The following HEXB variants were observed in gnomAD, a reference collection of about 807,000 sequenced individuals.
HEXB encodes the protein beta-hexosaminidase subunit beta.
In HEXB, 51 loss-of-function variants were observed where a neutral mutation model predicts 71.2. The ratio of observed to expected loss-of-function variants is 0.72; its 90% CI spans 0.57 to 0.90. HEXB has a LOEUF of 0.90. Ranked by LOEUF, HEXB falls within the 40% of genes least tolerant of loss-of-function variation. The pLI is 0.00. For synonymous variants in HEXB, 266 were observed against 249.3 expected (o/e 1.07, Z -0.63); for missense variants, 617 against 677.0 (o/e 0.91, Z 0.98).
chr5:74,704,344 T>C (rs1313750789), intron 5 of HEXB, among the ~76,000 whole-genome samples: 1 of 152,206 alleles, frequency 6.6e-6, no homozygotes, highest in Non-Finnish European at 1.5e-5. Flanking sequence ...TTTGATGATC[T>C]TGTTGGACAA....
chr5:74,679,504 A>G (rs1427401332), intron 1 of HEXB, among the ~76,000 whole-genome samples: 3 of 152,172 alleles, frequency 2.0e-5, no homozygotes, highest in South Asian at 2.1e-4. Flanking sequence ...AAGATATGCT[A>G]AAGGGAGGAC....
intron 1 of HEXB, among the ~76,000 whole-genome samples, chr5:74,662,181 T>G (rs1261982312): frequency 6.6e-6 from 1 of 152,228 alleles, no homozygotes; most frequent in African/African-American, 2.4e-5. Context: ...TTTTCAGTCT[T>G]TGTGCTGTGC....
At position 74,721,194 on chromosome 5, in the gene HEXB, G is replaced by T. The variant is rs748707619; in HGVS notation, c.*19G>T. 1.1e-5 allele frequency: 17 copies of T among 1,589,914 alleles called. No homozygotes were observed. In the Admixed American group the frequency reaches 2.7e-4, roughly 25 times the overall value. On this transcript the variant is annotated 3_prime_UTR_variant, in exon 14 of 14. Transcript: ENST00000261416. ...CATGTAAAAAATGGAGGGGAAAAAG[G>T]CCACAGCAATCTGTACTACAATCAA... is the stretch of plus-strand genomic sequence containing the variant.
intron 5 of HEXB, among the ~76,000 whole-genome samples, chr5:74,702,141 G>T (rs1201189600): frequency 2.5e-5 from 3 of 120,164 alleles, no homozygotes; most frequent in African/African-American, 9.6e-5. Flanking sequence ...TGCAGTGGCG[G>T]GATCTCGGCT....
At chr5:74,695,214 T>G (rs1749086581) in intron 3 of HEXB, among the ~76,000 whole-genome samples, 1 of 146,980 alleles carries the variant, frequency 6.8e-6, no homozygotes, top group Admixed American at 6.7e-5. Flanking sequence ...TTTTTTTTTT[T>G]TTTTTTTGAG....
At chr5:74,646,947 A>C (rs1748012788) in intron 1 of HEXB, among the ~76,000 whole-genome samples, 1 of 152,236 alleles carries the variant, frequency 6.6e-6, no homozygotes, top group Non-Finnish European at 1.5e-5. Flanking sequence ...CACACGTTTT[A>C]AAAAGAAATA....
At chr5:74,664,442 A>AC (rs1235913785) in intron 1 of HEXB, among the ~76,000 whole-genome samples, 1 of 150,592 alleles carries the variant, frequency 6.6e-6, no homozygotes, top group East Asian at 1.9e-4. Context: ...AAAAAAAAAA[A>AC]AAAAAAAAAA....
intron 3 of HEXB, 133 bp from the exon 4 acceptor site, chr5:74,696,560 T>C (rs1749116571): frequency 3.4e-6 from 2 of 594,122 alleles, no homozygotes; most frequent in Non-Finnish European, 3.0e-6. Flanking sequence ...CAATATATTT[T>C]AGAGGATAGA....
At chr5:74,681,307 T>A (rs1334593173), upstream of HEXB, among the ~76,000 whole-genome samples, 1 of 152,158 alleles carries the variant, frequency 6.6e-6, no homozygotes, top group Admixed American at 6.5e-5. Context: ...GTGGTGCTAC[T>A]GACGACCAGT....
At chr5:74,704,441 A>G (rs1489751736) in intron 5 of HEXB, among the ~76,000 whole-genome samples, 20 of 152,146 alleles carry the variant, frequency 1.3e-4, no homozygotes, top group Admixed American at 1.3e-3. Flanking sequence ...TAGAGTATAT[A>G]TAAAATTAAT....
intron 5 of HEXB, among the ~76,000 whole-genome samples, chr5:74,700,362 T>C (rs1233864353): frequency 6.6e-6 from 1 of 152,102 alleles, no homozygotes; most frequent in African/African-American, 2.4e-5. Flanking sequence ...ACCTTCTTTA[T>C]TGGTTTAATG....
rs1384418129 is a variant in HEXB at position 74,720,535 on chromosome 5, ATAACATT to A, written c.1508+21_1508+27del. ...AAGATTATGGTATGGGATTTACCTG[ATAACATT>A]TAAGAATTAAGGTGCCTTAGCTTTC... On this transcript the variant is annotated intron_variant, in intron 12 of 13. Coordinates refer to ENST00000261416, the MANE Select transcript of HEXB (RefSeq NM_000521.4). The A allele has an allele frequency of 1.2e-6, 2 of 1,601,686 alleles. No individual in the cohort carries two copies. The highest frequency in any genetic ancestry group is 4.5e-5 in the East Asian group (2 of 44,812).
At chr5:74,665,121 C>A (rs1342999331) in intron 1 of HEXB, among the ~76,000 whole-genome samples, 1 of 152,050 alleles carries the variant, frequency 6.6e-6, no homozygotes, top group East Asian at 1.9e-4. Context: ...AAAATGTCCC[C>A]AAATAAGAAA....
chr5:74,674,163 G>T (rs969625135), intron 1 of HEXB, among the ~76,000 whole-genome samples: 1 of 152,168 alleles, frequency 6.6e-6, no homozygotes, highest in Non-Finnish European at 1.5e-5. Flanking sequence ...TTGGCTATAG[G>T]CCATGTTTCT....
At chr5:74,721,057 A>C (rs979593314) in intron 13 of HEXB, 61 bp from the exon 14 acceptor site, 2 of 1,291,494 alleles carry the variant, frequency 1.5e-6, no homozygotes, top group South Asian at 2.4e-5. Flanking sequence ...AATCTAAAAT[A>C]TCTTTATGAA....
At chr5:74,654,898 G>A (rs1053469181) in intron 1 of HEXB, among the ~76,000 whole-genome samples, 2 of 152,180 alleles carry the variant, frequency 1.3e-5, no homozygotes, top group Non-Finnish European at 2.9e-5. Flanking sequence ...AACTGCAGAT[G>A]ATGCCATTGA....
chr5:74,644,764 C>CTTTTTTTTTTTTTTTTTTTTTTT (rs3058406), intron 1 of HEXB, among the ~76,000 whole-genome samples: 1 of 72,936 alleles, frequency 1.4e-5, no homozygotes, highest in Non-Finnish European at 2.3e-5. Flanking sequence ...CTTTTTTTTC[C>CTTTTTTTTTTTTTTTTTTTTTTT]TTTTTTTTTT....
chr5:74,656,890 G>T (rs1425151723), intron 1 of HEXB, among the ~76,000 whole-genome samples: 1 of 152,196 alleles, frequency 6.6e-6, no homozygotes, highest in Non-Finnish European at 1.5e-5. Context: ...GGGATTACAG[G>T]TGTGAGCCAC....
chr5:74,692,193 T>G (rs1339180449), intron 2 of HEXB, among the ~76,000 whole-genome samples: 1 of 151,928 alleles, frequency 6.6e-6, no homozygotes, highest in Non-Finnish European at 1.5e-5. Context: ...GAGCTCTAGG[T>G]AGCTGATTAA....
Sources: gnomAD v4.1 joint callset for allele counts (sites outside exome capture counted in the v4.1 genomes callset) on GRCh38, gnomAD v4.1.1 for gene constraint, MANE v1.5 for transcripts, NCBI Gene and HGNC (gene_info 2026-07-23, HGNC 2026-07-21) for gene names.